The following NYAP2 variants were observed in gnomAD, a reference collection of about 807,000 sequenced individuals.
The protein encoded by NYAP2 is neuronal tyrosine-phosphorylated phosphoinositide-3-kinase adapter 2.
In NYAP2, 23 loss-of-function variants were observed where a neutral mutation model predicts 50.4. The ratio of observed to expected loss-of-function variants is 0.46; its 90% CI spans 0.33 to 0.65. The LOEUF is 0.65. NYAP2 is among the 30% of genes least tolerant of loss of function. NYAP2 has a pLI of 0.02. For missense variants in NYAP2, 885 were observed against 861.0 expected, an observed-to-expected ratio of 1.03 and a Z score of -0.35; for synonymous variants, 394 against 365.2, an observed-to-expected ratio of 1.08 and a Z score of -0.90.
intron 5 of NYAP2, among the ~76,000 whole-genome samples, chr2:225,592,257 A>G (rs189537352): frequency 7.9e-5 from 12 of 152,306 alleles, no homozygotes; most frequent in African/African-American, 2.6e-4. Flanking sequence ...CAGTGCTTGC[A>G]TCTTGGCCAT....
chr2:225,659,014 A>G (rs1693869960), downstream of NYAP2, among the ~76,000 whole-genome samples: 1 of 152,238 alleles, frequency 6.6e-6, no homozygotes, highest in African/African-American at 2.4e-5. Context: ...GTGGAATAAA[A>G]CAAAACAAGC....
chr2:225,601,417 G>C (rs962677277), intron 5 of NYAP2, among the ~76,000 whole-genome samples: 6 of 152,150 alleles, frequency 3.9e-5, no homozygotes, highest in Non-Finnish European at 7.3e-5. Flanking sequence ...GGGATTACGG[G>C]CGTGGACCAC....
intron 3 of NYAP2, among the ~76,000 whole-genome samples, chr2:225,494,782 G>A (rs1200904025): frequency 6.6e-6 from 1 of 152,136 alleles, no homozygotes; most frequent in Non-Finnish European, 1.5e-5. Flanking sequence ...AAAAGAAAGA[G>A]GTTGAATCAG....
the NYAP2 span, among the ~76,000 whole-genome samples, chr2:225,687,130 T>C: frequency 6.6e-6 from 1 of 152,176 alleles, no homozygotes; most frequent in Non-Finnish European, 1.5e-5. Context: ...GAATTGCAAT[T>C]CTAATTCTGT....
At chr2:225,611,756 G>C (rs1482725186) in intron 5 of NYAP2, among the ~76,000 whole-genome samples, 1 of 151,796 alleles carries the variant, frequency 6.6e-6, no homozygotes, top group Non-Finnish European at 1.5e-5. Context: ...TTAGTTCACT[G>C]TTCTATTCTT....
chr2:225,680,504 T>A, the NYAP2 span, among the ~76,000 whole-genome samples: 2 of 152,186 alleles, frequency 1.3e-5, no homozygotes, highest in Non-Finnish European at 2.9e-5. Context: ...AATTCTTTTT[T>A]AAAATAATTA....
At chr2:225,624,416 G>A (rs1693173545) in intron 5 of NYAP2, among the ~76,000 whole-genome samples, 1 of 152,160 alleles carries the variant, frequency 6.6e-6, no homozygotes, top group Admixed American at 6.5e-5. Context: ...TCCTAAGTTG[G>A]AAACTGGGGC....
At chr2:225,463,148 G>A (rs1689861159) in intron 3 of NYAP2, among the ~76,000 whole-genome samples, 1 of 152,222 alleles carries the variant, frequency 6.6e-6, no homozygotes, top group African/African-American at 2.4e-5. Context: ...ATTCCAAACA[G>A]GCATTGCTAA....
chr2:225,583,169 A>G, intron 5 of NYAP2, 134 bp downstream of exon 5: 2 of 1,094,566 alleles, frequency 1.8e-6, no homozygotes, highest in Non-Finnish European at 2.5e-6. Flanking sequence ...GCATGCAAAC[A>G]AAATGTGTTA....
intron 4 of NYAP2, among the ~76,000 whole-genome samples, chr2:225,521,152 A>G (rs955084729): frequency 4.5e-4 from 68 of 151,038 alleles, no homozygotes; most frequent in African/African-American, 1.6e-3. Flanking sequence ...GAAGTTGCTT[A>G]TCAGCTTAAG....
At chr2:225,528,753 C>G (rs1324261938) in intron 4 of NYAP2, among the ~76,000 whole-genome samples, 1 of 152,216 alleles carries the variant, frequency 6.6e-6, no homozygotes, top group African/African-American at 2.4e-5. Context: ...CTGTGATTCT[C>G]CAGAACCCCT....
At chr2:225,643,858 G>C (rs1237968565) in intron 6 of NYAP2, among the ~76,000 whole-genome samples, 2 of 150,874 alleles carry the variant, frequency 1.3e-5, no homozygotes, top group African/African-American at 4.9e-5. Context: ...GGACATTTGG[G>C]TTGGTTCCAA....
chr2:225,689,099 AG>A, the NYAP2 span, among the ~76,000 whole-genome samples: 2 of 152,316 alleles, frequency 1.3e-5, no homozygotes, highest in Middle Eastern at 3.4e-3. Context: ...GCATTCTATT[AG>A]GAGCTTGAAA....
At chr2:225,418,190 A>G (rs1695154930) in intron 3 of NYAP2, among the ~76,000 whole-genome samples, 1 of 152,154 alleles carries the variant, frequency 6.6e-6, no homozygotes, top group South Asian at 2.1e-4. Context: ...ATGTGGAGAG[A>G]AAAGGTCGTA....
At position 225,582,086 on chromosome 2, in the gene NYAP2, G is replaced by A. The variant is rs371567983; in HGVS notation, c.669G>A (p.Pro223=). 2.5e-6 allele frequency: 4 copies of A among 1,614,006 alleles called. No individual in the cohort carries two copies. Among genetic ancestry groups the A allele is most frequent in the East Asian group, 2.2e-5 (1 of 44,870 alleles). Reference sequence around the variant, plus strand: ...ATGGGCCCCGGAGGACGTCGCTGCCGCGGGACTCCTCCTTGTCCCAGATGG... The same window carrying A: ...ATGGGCCCCGGAGGACGTCGCTGCCACGGGACTCCTCCTTGTCCCAGATGG... Residue 223 remains proline (P), a synonymous_variant, in exon 5 of 7, where the codon CCG becomes CCA. Transcript: ENST00000636099. The surrounding 1 kb of genome is among the most constrained non-coding windows in gnomAD (Gnocchi z 7.0).
chr2:225,643,850 A>C (rs1354669488), intron 6 of NYAP2, among the ~76,000 whole-genome samples: 1 of 151,034 alleles, frequency 6.6e-6, no homozygotes, highest in Non-Finnish European at 1.5e-5. Flanking sequence ...TCATTGTTGG[A>C]CATTTGGGTT....
chr2:225,470,920 G>A (rs1010214376), intron 3 of NYAP2, among the ~76,000 whole-genome samples: 8 of 152,004 alleles, frequency 5.3e-5, no homozygotes, highest in Non-Finnish European at 1.2e-4. Flanking sequence ...TTCCCAGCTG[G>A]GAAGACTTCC....
chr2:225,551,665 T>A lies in NYAP2; in HGVS notation c.524-30276T>A, dbSNP rs557778606. ...ATCAACCCATCAAAATAAATTTAGATGTTTATTATGTACAGGCCAGTATAT... is the reference window on the plus strand; with the variant it reads ...ATCAACCCATCAAAATAAATTTAGAAGTTTATTATGTACAGGCCAGTATAT... On this transcript the variant is annotated intron_variant, in intron 4 of 6. Transcript: ENST00000636099. Among the ~76,000 whole-genome samples, 3 of 152,308 alleles carry A rather than the reference T, an allele frequency of 2.0e-5. No homozygotes were observed. The South Asian group carries it at 6.2e-4, about 32-fold the overall frequency.
intron 3 of NYAP2, among the ~76,000 whole-genome samples, chr2:225,467,146 G>T (rs1444319295): frequency 6.6e-6 from 1 of 152,116 alleles, no homozygotes; most frequent in African/African-American, 2.4e-5. Flanking sequence ...TGCGCAGTGT[G>T]TTTACCGGAG....
Sources: gnomAD v4.1 joint callset for allele counts (sites outside exome capture counted in the v4.1 genomes callset) on GRCh38, gnomAD v4.1.1 for gene constraint, Gnocchi (gnomAD v3.1) non-coding constraint, MANE v1.5 for transcripts, NCBI Gene and HGNC (gene_info 2026-07-23, HGNC 2026-07-21) for gene names.